The following CR1 variants were observed in gnomAD, a reference collection of about 807,000 sequenced individuals.
CR1 encodes complement C3b/C4b receptor 1 (Knops blood group).
In CR1, 116 loss-of-function variants were observed where a neutral mutation model predicts 187.3. That is an observed-to-expected ratio of 0.62 (90% CI 0.53 to 0.72). CR1 has a LOEUF of 0.72. Ranked by LOEUF, CR1 falls within the 30% of genes least tolerant of loss-of-function variation. The pLI is 0.00. For missense variants in CR1, 1,731 were observed against 2,110.7 expected (o/e 0.82, Z 3.52); for synonymous variants, 576 against 747.1 (o/e 0.77, Z 3.73).
rs1662609639 is a variant in CR1 at position 207,630,565 on chromosome 1, T to A, written c.7401T>A (p.Ser2467=). The A allele has an allele frequency of 6.2e-7, 1 of 1,612,068 alleles. No individual in the cohort carries two copies. Among genetic ancestry groups the A allele is most frequent in the East Asian group, 2.2e-5 (1 of 44,804 alleles). Reference sequence around the variant, plus strand: ...AAGAAGTGGCTATCCATTTACATTCTCAAGGAGGCAGCAGCGTTCATCCCC... The same window carrying A: ...AAGAAGTGGCTATCCATTTACATTCACAAGGAGGCAGCAGCGTTCATCCCC... ...NPKEVAIHLH[S]QGGSSVHPRT... Residue 2467 remains serine, a synonymous_variant, in exon 46 of 47, where the codon TCT becomes TCA. Coordinates refer to ENST00000367049, the MANE Select transcript of CR1 (RefSeq NM_000651.6).
intron 4 of CR1, among the ~76,000 whole-genome samples, chr1:207,519,017 AT>A (rs1463157986): frequency 1.3e-5 from 2 of 152,200 alleles, no homozygotes; most frequent in African/African-American, 4.8e-5. Context: ...AATGCATGAA[AT>A]TTTTGGTTTA....
At chr1:207,504,156 A>G (rs1659358212) in intron 1 of CR1, among the ~76,000 whole-genome samples, 1 of 152,188 alleles carries the variant, frequency 6.6e-6, no homozygotes, top group African/African-American at 2.4e-5. Context: ...GTTTGGTACT[A>G]TCTGAGGTTT....
chr1:207,525,532 C>T (rs2102309998), intron 5 of CR1, among the ~76,000 whole-genome samples: 1 of 151,968 alleles, frequency 6.6e-6, no homozygotes, highest in South Asian at 2.1e-4. Context: ...TGTAGCTACT[C>T]ACTGAAGCCA....
chr1:207,617,081 G>A (rs970357502), intron 41 of CR1, among the ~76,000 whole-genome samples: 10 of 151,982 alleles, frequency 6.6e-5, no homozygotes, highest in African/African-American at 2.4e-4. Flanking sequence ...AGATTTAGTA[G>A]GGAATGTTTT....
intron 35 of CR1, among the ~76,000 whole-genome samples, chr1:207,595,256 A>G (rs1232411085): frequency 6.6e-6 from 1 of 152,080 alleles, no homozygotes. Context: ...CTACACACAA[A>G]CACACAGGGA....
chr1:207,625,115 C>A (rs74153334), intron 45 of CR1, among the ~76,000 whole-genome samples: 5,950 of 152,288 alleles, frequency 0.039, 383 homozygotes, highest in African/African-American at 0.13. Context: ...ATATTAATCA[C>A]CTTCAGGCAT....
In CR1 at chr1:207,505,760, C is replaced by A; in HGVS notation, c.122-144C>A. On this transcript the variant is annotated intron_variant, in intron 1 of 46. Coordinates refer to ENST00000367049, the MANE Select transcript of CR1 (RefSeq NM_000651.6). ...TGAGGTAAGGACAATTGCTTGAACC[C>A]AAGAGGCGGAGGTTGCAGTGAGCCA... 4.8e-6 allele frequency: 4 copies of A among 840,464 alleles called. No homozygotes were observed. The South Asian group carries it at 5.7e-5, about 12-fold the overall frequency. 52.1% of individuals were successfully genotyped at this position (840,464 alleles called of 1,614,324 possible).
intron 33 of CR1, among the ~76,000 whole-genome samples, chr1:207,586,499 T>C (rs958436654): frequency 5.3e-5 from 8 of 152,336 alleles, no homozygotes; most frequent in African/African-American, 1.9e-4. Flanking sequence ...ATTAGTTTCC[T>C]AGGGCTGCTG....
rs1571554205 is a variant in CR1 at position 207,580,338 on chromosome 1, G to A, written c.5035G>A (p.Gly1679Ser). ...GGAAGTGTTCTACAGCTGTGAGCCT[G>A]GCTATGACCTCAGAGGGGCTGCGTC... ...GQEVFYSCEP[G>S]YDLRGAASLH... The change falls in exon 30 of 47, where the codon GGC becomes AGC. Residue 1679 changes from glycine (G) to serine (S), a missense_variant. Physicochemically the swap from Gly to Ser is moderately conservative, Grantham distance 56 (BLOSUM62 0). Transcript: ENST00000367049. 6.2e-7 allele frequency: 1 copy of A among 1,613,912 alleles called. No individual in the cohort carries two copies. Among genetic ancestry groups the A allele is most frequent in the African/African-American group, 1.3e-5 (1 of 75,024 alleles).
rs1332301171 is a variant in CR1, at chr1:207,617,507, A to ATATATATATATATATATG, written c.6890-563_6890-562insATATATATATATATATGT. Among the ~76,000 whole-genome samples, 27 of 47,020 alleles carry ATATATATATATATATATG rather than the reference A, an allele frequency of 5.7e-4. 1 individual carries two copies. Among genetic ancestry groups the ATATATATATATATATATG allele is most frequent in the South Asian group, 2.0e-3 (3 of 1,526 alleles). 30.8% of individuals were successfully genotyped at this position (47,020 alleles called of 152,430 possible). ...AGTATATATATATATATATATATATATGTGTGTGTGTGTGTGTGTGTGTGT... is the reference window on the plus strand; with the variant it reads ...AGTATATATATATATATATATATATATATATATATATATATATGTGTGTGTGTGTGTGTGTGTGTGTGT... On this transcript the variant is annotated intron_variant, in intron 41 of 46. Transcript: ENST00000367049.
In CR1 at chr1:207,524,003, T is replaced by C. The variant is rs1660084649; in HGVS notation, c.880T>C (p.Ser294Pro). Residue 294 changes from serine to proline, a missense_variant, in exon 5 of 47, where the codon TCC (serine) becomes CCC (proline). By Grantham distance (74) the Ser-to-Pro change is moderately conservative (BLOSUM62 -1). Coordinates refer to ENST00000367049, the MANE Select transcript of CR1 (RefSeq NM_000651.6). ...NKWEPELPSC[S>P]RVCQPPPDVL... ...ATGGGAGCCGGAGCTACCAAGCTGC[T>C]CCAGGGGTGAGTCTGACTGAGGCCT... The C allele has an allele frequency of 3.1e-6, 5 of 1,611,648 alleles. No homozygotes were observed. The highest frequency in any genetic ancestry group is 1.7e-5 in the Admixed American group (1 of 59,992).
rs1313986402 is a variant in CR1, at chr1:207,575,797, G to A, written c.4537+117G>A. On this transcript the variant is annotated intron_variant, in intron 28 of 46. Transcript: ENST00000367049. ...AAATGGTATCCTTCTGATATTTGAAGAATCTAGTCATATCCTTAAAATGGC... is the reference window on the plus strand; with the variant it reads ...AAATGGTATCCTTCTGATATTTGAAAAATCTAGTCATATCCTTAAAATGGC... 8 of 1,514,042 alleles carry A rather than the reference G, an allele frequency of 5.3e-6. No individual in the cohort carries two copies. In the East Asian group the frequency reaches 1.6e-4, roughly 30 times the overall value. The allele number at this position is 1,514,042 out of a possible 1,614,324, so 93.8% of individuals were successfully genotyped here. A position where few individuals can be genotyped will look rare whatever the true frequency, so the allele number is the denominator to read the frequency against.
intron 32 of CR1, among the ~76,000 whole-genome samples, chr1:207,583,879 G>A (rs1661031815): frequency 6.6e-6 from 1 of 152,036 alleles, no homozygotes; most frequent in Non-Finnish European, 1.5e-5. Context: ...CCTTTGATTA[G>A]TTTATCTATA....
At chr1:207,613,669 T>C (rs1662009516) in intron 39 of CR1, among the ~76,000 whole-genome samples, 1 of 152,114 alleles carries the variant, frequency 6.6e-6, no homozygotes, top group Non-Finnish European at 1.5e-5. Flanking sequence ...ACTATGAGTC[T>C]GGAGGGATAA....
At position 207,580,264 on chromosome 1, in the gene CR1, T is replaced by C; in HGVS notation, c.4961T>C (p.Leu1654Pro). ...GTGTGTCAGCCGCCTCCAGAAATCC[T>C]GCATGGTGAGCATACCCCAAGCCAT... ...SRVCQPPPEILHGEHTPSHQD... is the reference protein window; with the variant it reads ...SRVCQPPPEIPHGEHTPSHQD... Residue 1654 changes from leucine to proline, a missense_variant, in exon 30 of 47, where the codon CTG becomes CCG. Coordinates refer to ENST00000367049, the MANE Select transcript of CR1 (RefSeq NM_000651.6). 1.9e-6 allele frequency: 3 copies of C among 1,613,888 alleles called. No homozygotes were observed. The highest frequency in any genetic ancestry group is 2.5e-6 in the Non-Finnish European group (3 of 1,179,822).
At chr1:207,588,556 G>A (rs946302952) in intron 34 of CR1, 119 bp from the exon 35 acceptor site, 2 of 690,962 alleles carry the variant, frequency 2.9e-6, no homozygotes, top group Admixed American at 5.9e-5. Flanking sequence ...CCTCAAAGCA[G>A]TCAATTCCAT....
intron 46 of CR1, among the ~76,000 whole-genome samples, chr1:207,634,086 G>A (rs954082524): frequency 2.0e-5 from 3 of 152,132 alleles, no homozygotes; most frequent in Non-Finnish European, 2.9e-5. Flanking sequence ...CAGTAAAGGC[G>A]GGGCAGGGCA....
At chr1:207,502,576 AG>A (rs1659304933) in intron 1 of CR1, among the ~76,000 whole-genome samples, 1 of 152,202 alleles carries the variant, frequency 6.6e-6, no homozygotes, top group African/African-American at 2.4e-5. Flanking sequence ...AAAAGGGGAA[AG>A]GGCCACACCT....
chr1:207,582,210 G>A (rs1164035946), intron 32 of CR1, among the ~76,000 whole-genome samples: 7 of 152,188 alleles, frequency 4.6e-5, no homozygotes, highest in Non-Finnish European at 1.0e-4. Flanking sequence ...AAATATTTAT[G>A]AGGAGAGTCT....
Sources: gnomAD v4.1 joint callset for allele counts (sites outside exome capture counted in the v4.1 genomes callset) on GRCh38, gnomAD v4.1.1 for gene constraint, MANE v1.5 for transcripts, NCBI Gene and HGNC (gene_info 2026-07-23, HGNC 2026-07-21) for gene names.